ELP4: variants seen among roughly 807,000 people sequenced by gnomAD.
ELP4 encodes the protein elongator acetyltransferase complex subunit 4.
A neutral mutation model predicts 48.9 loss-of-function variants in ELP4; 51 were observed. The observed-to-expected ratio is 1.04, with a 90% CI of 0.83 to 1.32. The LOEUF is 1.32. Ranked by LOEUF, ELP4 falls within the 40% of genes most tolerant of loss-of-function variation. The pLI is 0.00. For missense variants in ELP4, 519 were observed against 514.6 expected, an observed-to-expected ratio of 1.01 and a Z score of -0.08; for synonymous variants, 210 against 189.2, an observed-to-expected ratio of 1.11 and a Z score of -0.90.
At chr11:31,603,367 T>C (rs992173355) in intron 4 of ELP4, among the ~76,000 whole-genome samples, 7 of 151,864 alleles carry the variant, frequency 4.6e-5, no homozygotes, top group Non-Finnish European at 7.4e-5. Flanking sequence ...ATTAATTGGG[T>C]TTAAGTTTTC....
intron 9 of ELP4, among the ~76,000 whole-genome samples, chr11:31,724,617 C>T (rs12419803): frequency 0.011 from 1,635 of 152,348 alleles, 69 homozygotes; most frequent in Admixed American, 0.085. Flanking sequence ...CCATGACTTA[C>T]TTCTTCCACA....
At chr11:31,539,896 T>C in intron 3 of ELP4, 113 bp downstream of exon 3, 1 of 766,222 alleles carries the variant, frequency 1.3e-6, no homozygotes, top group Non-Finnish European at 1.8e-6. Context: ...TTAAATGCAT[T>C]AACGGAACCA....
At chr11:31,612,407 A>G (rs1957999264) in intron 5 of ELP4, among the ~76,000 whole-genome samples, 1 of 152,186 alleles carries the variant, frequency 6.6e-6, no homozygotes, top group Non-Finnish European at 1.5e-5. Context: ...GACTACAGAA[A>G]TCTCAAATGG....
intron 3 of ELP4, among the ~76,000 whole-genome samples, chr11:31,594,064 A>G (rs1320092934): frequency 6.6e-6 from 1 of 152,226 alleles, no homozygotes; most frequent in East Asian, 1.9e-4. Context: ...AAATTATTGT[A>G]TGTGCTTTCC....
chr11:31,651,872 T>C (rs1030812474), intron 9 of ELP4: 3 of 151,712 alleles, frequency 2.0e-5, no homozygotes, highest in Non-Finnish European at 4.4e-5. Context: ...ATGTTTATGA[T>C]TTCTCTTTCT....
rs558669321 is a variant in ELP4 at position 31,786,854 on chromosome 11, A to G, written c.*3330A>G. The G allele has an allele frequency of 1.8e-5, 4 of 217,900 alleles. No homozygotes were observed. In the South Asian group the frequency reaches 7.4e-4, roughly 40 times the overall value. 13.5% of individuals were successfully genotyped at this position (217,900 alleles called of 1,614,324 possible). A position where few individuals can be genotyped will look rare whatever the true frequency, so the allele number is the denominator to read the frequency against. On this transcript the variant is annotated 3_prime_UTR_variant, in exon 10 of 10. Transcript: ENST00000640961. ...TTATTACTTAAAACATTCAGCTCTTATTCTATTCACCTGGTTTTCCCAAGT... is the reference window on the plus strand; with the variant it reads ...TTATTACTTAAAACATTCAGCTCTTGTTCTATTCACCTGGTTTTCCCAAGT...
chr11:31,543,423 C>T (rs928183115), intron 3 of ELP4, among the ~76,000 whole-genome samples: 2 of 151,942 alleles, frequency 1.3e-5, no homozygotes, highest in Admixed American at 6.6e-5. Context: ...GGGTTCATGC[C>T]ATTCTCCTGC....
chr11:31,748,157 T>G (rs1196864913), intron 9 of ELP4, among the ~76,000 whole-genome samples: 1 of 152,204 alleles, frequency 6.6e-6, no homozygotes, highest in African/African-American at 2.4e-5. Context: ...TTCGTAGTTA[T>G]GTTCCCTCAC....
At chr11:31,709,425 A>G (rs1301025838) in intron 9 of ELP4, among the ~76,000 whole-genome samples, 3 of 152,166 alleles carry the variant, frequency 2.0e-5, no homozygotes, top group Non-Finnish European at 4.4e-5. Flanking sequence ...TCACGTATTC[A>G]GTTACTCACT....
At chr11:31,669,323 C>A (rs188116538) in intron 9 of ELP4, among the ~76,000 whole-genome samples, 1 of 152,062 alleles carries the variant, frequency 6.6e-6, no homozygotes, top group Non-Finnish European at 1.5e-5. Context: ...TAACCTCGTC[C>A]GCCTGCCTCG....
chr11:31,635,030 C>G (rs567983107), intron 7 of ELP4, among the ~76,000 whole-genome samples: 6 of 151,880 alleles, frequency 4.0e-5, no homozygotes, highest in African/African-American at 4.8e-5. Flanking sequence ...TAAATTTTCC[C>G]TTGCTCTTTG....
At chr11:31,589,802 A>T (rs749025361) in intron 3 of ELP4, among the ~76,000 whole-genome samples, 19 of 152,154 alleles carry the variant, frequency 1.2e-4, no homozygotes, top group Admixed American at 2.6e-4. Context: ...TTGCCTTCTT[A>T]CTTTGCTCCA....
intron 9 of ELP4, chr11:31,767,203 T>C (rs990689623): frequency 2.6e-5 from 4 of 152,152 alleles, no homozygotes; most frequent in Admixed American, 2.6e-4. Context: ...ATTTTGCAAA[T>C]GCCAAAAGGA....
At chr11:31,553,238 C>T (rs1446283173) in intron 3 of ELP4, among the ~76,000 whole-genome samples, 1 of 151,960 alleles carries the variant, frequency 6.6e-6, no homozygotes, top group Admixed American at 6.6e-5. Flanking sequence ...CAAATGAATC[C>T]TTACTATATA....
At chr11:31,572,625 A>T (rs1957207975) in intron 3 of ELP4, among the ~76,000 whole-genome samples, 1 of 152,150 alleles carries the variant, frequency 6.6e-6, no homozygotes, top group South Asian at 2.1e-4. Context: ...TCTATCTAAG[A>T]TGTTACCAGT....
At chr11:31,697,360 T>C (rs7121620) in intron 9 of ELP4, among the ~76,000 whole-genome samples, 4,939 of 152,218 alleles carry the variant, frequency 0.032, 130 homozygotes, top group Non-Finnish European at 0.047. Context: ...ACATCAGGGC[T>C]TTCATTTCAG....
chr11:31,703,681 G>C (rs1946572998), intron 9 of ELP4, among the ~76,000 whole-genome samples: 1 of 152,112 alleles, frequency 6.6e-6, no homozygotes, highest in South Asian at 2.1e-4. Flanking sequence ...AGCTGTCCTA[G>C]AGCAAGCCTG....
intron 9 of ELP4, among the ~76,000 whole-genome samples, chr11:31,732,380 A>C (rs2134203536): frequency 1.3e-5 from 2 of 152,150 alleles, no homozygotes; most frequent in Middle Eastern, 3.4e-3. Context: ...TATAATTGTA[A>C]AATGTTTTGT....
In ELP4 at chr11:31,546,851, G is replaced by A. The variant is rs1180547367; in HGVS notation, c.381+7068G>A. Among the ~76,000 whole-genome samples, 44 of 152,090 alleles carry A rather than the reference G, an allele frequency of 2.9e-4. No homozygotes were observed. The East Asian group carries it at 2.9e-3, about 10-fold the overall frequency. ...GAAACTCACTCAAAACCGCTCAACT[G>A]TATGGAAACTGAACAACCTGCTCCT... On this transcript the variant is annotated intron_variant, in intron 3 of 9. Transcript: ENST00000640961.
Sources: gnomAD v4.1 joint callset for allele counts (sites outside exome capture counted in the v4.1 genomes callset) on GRCh38, gnomAD v4.1.1 for gene constraint, MANE v1.5 for transcripts, NCBI Gene and HGNC (gene_info 2026-07-23, HGNC 2026-07-21) for gene names.